Variants in CTNNA2 observed in about 807,000 individuals in gnomAD.
CTNNA2 encodes catenin alpha-2.
Under a neutral mutation model 101.0 loss-of-function variants are expected in CTNNA2, and 42 were observed. The observed-to-expected ratio is 0.42, with a 90% CI of 0.32 to 0.54. The LOEUF is 0.54. Ranked by LOEUF, CTNNA2 falls within the 20% of genes least tolerant of loss-of-function variation. CTNNA2 has a pLI of 0.14. For missense variants in CTNNA2, 871 were observed against 1,223.1 expected, an observed-to-expected ratio of 0.71 and a Z score of 4.29; for synonymous variants, 450 against 456.4, an observed-to-expected ratio of 0.99 and a Z score of 0.18.
chr2:80,010,796 G>T (rs1324620145), intron 7 of CTNNA2, among the ~76,000 whole-genome samples: 1 of 151,738 alleles, frequency 6.6e-6, no homozygotes, highest in Non-Finnish European at 1.5e-5. Context: ...TTTCAGCATT[G>T]TCTTTTGGAA....
At chr2:79,307,690 G>T (rs779318815) in intron 2 of CTNNA2, among the ~76,000 whole-genome samples, 3 of 152,180 alleles carry the variant, frequency 2.0e-5, no homozygotes, top group Non-Finnish European at 2.9e-5. Context: ...TGGGGGTACA[G>T]AAGTCTCTTC....
chr2:80,193,106 T>G (rs948507718), intron 7 of CTNNA2, among the ~76,000 whole-genome samples: 7 of 152,216 alleles, frequency 4.6e-5, no homozygotes, highest in African/African-American at 1.7e-4. Context: ...ATTCATAAAA[T>G]GAGCAGATTT....
intron 2 of CTNNA2, among the ~76,000 whole-genome samples, chr2:79,261,539 G>A (rs925009045): frequency 8.5e-5 from 13 of 152,314 alleles, no homozygotes; most frequent in African/African-American, 2.9e-4. Context: ...GTGCCAGGAG[G>A]CTTGGTTTCT....
chr2:80,017,811 C>T (rs1047245142), intron 7 of CTNNA2, among the ~76,000 whole-genome samples: 9 of 152,096 alleles, frequency 5.9e-5, no homozygotes, highest in Admixed American at 6.6e-5. Flanking sequence ...CTCCCTGTCA[C>T]AGTAAGCCAC....
At chr2:79,802,522 G>A (rs549235793) in intron 3 of CTNNA2, among the ~76,000 whole-genome samples, 7 of 152,154 alleles carry the variant, frequency 4.6e-5, no homozygotes, top group Non-Finnish European at 8.8e-5. Flanking sequence ...AGGTTACAAA[G>A]TGACTGAACT....
chr2:80,589,276 A>C, intron 14 of CTNNA2, 28 bp from the exon 15 acceptor site: 1 of 1,610,652 alleles, frequency 6.2e-7, no homozygotes, highest in Non-Finnish European at 8.5e-7. Context: ...TGTCACCGTC[A>C]CTCACGCTTT....
At chr2:79,287,218 G>C (rs1320750958) in intron 2 of CTNNA2, among the ~76,000 whole-genome samples, 1 of 152,162 alleles carries the variant, frequency 6.6e-6, no homozygotes, top group African/African-American at 2.4e-5. Flanking sequence ...CCGTAGCTCG[G>C]AGTAATTTGA....
At chr2:79,680,839 C>T (rs2104638947) in intron 2 of CTNNA2, among the ~76,000 whole-genome samples, 1 of 152,318 alleles carries the variant, frequency 6.6e-6, no homozygotes, top group Admixed American at 6.5e-5. Context: ...CTGGCTTTTT[C>T]ATCAGAGCAA....
intron 3 of CTNNA2, among the ~76,000 whole-genome samples, chr2:79,361,840 T>G (rs1677637509): frequency 6.6e-6 from 1 of 152,072 alleles, no homozygotes; most frequent in South Asian, 2.1e-4. Context: ...TGTTCTCACG[T>G]TTTTCTGACT....
chr2:80,033,988 A>AAAAAAAAAAAAAAAAAAAAAAAAAC (rs1695480810), intron 7 of CTNNA2, among the ~76,000 whole-genome samples: 1 of 151,558 alleles, frequency 6.6e-6, no homozygotes, highest in African/African-American at 2.4e-5. Flanking sequence ...AAAAAAAAAA[A>AAAAAAAAAAAAAAAAAAAAAAAAAC]AAAAGCACTG....
chr2:79,390,469 GT>G (rs1025860965), intron 4 of CTNNA2, among the ~76,000 whole-genome samples: 20 of 151,994 alleles, frequency 1.3e-4, no homozygotes, highest in Admixed American at 7.9e-4. Context: ...CACCTCCTCC[GT>G]TATACCTTTC....
intron 1 of CTNNA2, among the ~76,000 whole-genome samples, chr2:79,621,553 T>A (rs1678999682): frequency 6.6e-6 from 1 of 152,186 alleles, no homozygotes; most frequent in East Asian, 1.9e-4. Context: ...GCCCCAAGTA[T>A]GAAATAAACA....
intron 9 of CTNNA2, among the ~76,000 whole-genome samples, chr2:80,484,810 T>G (rs1218788743): frequency 6.6e-6 from 1 of 152,068 alleles, no homozygotes; most frequent in Non-Finnish European, 1.5e-5. Flanking sequence ...ATCGAGACCA[T>G]CCTGGCTACC....
chr2:79,716,884 C>T (rs1686142486), intron 2 of CTNNA2, among the ~76,000 whole-genome samples: 1 of 151,986 alleles, frequency 6.6e-6, no homozygotes, highest in African/African-American at 2.4e-5. Context: ...AAACAAAAAA[C>T]ATTGACAAAG....
intron 7 of CTNNA2, among the ~76,000 whole-genome samples, chr2:80,116,894 A>G (rs1022700091): frequency 4.6e-4 from 53 of 114,704 alleles, no homozygotes; most frequent in African/African-American, 1.9e-3. Flanking sequence ...GGGAAAATAG[A>G]AGAAAATAGT....
intron 3 of CTNNA2, among the ~76,000 whole-genome samples, chr2:79,835,666 GTTTTTTTTTTT>G (rs70940048): frequency 0.026 from 1,509 of 58,588 alleles, 38 homozygotes; most frequent in African/African-American, 0.077. Context: ...GCCTCTCTTT[GTTTTTTTTTTT>G]TTTTTTTTTT....
At chr2:79,666,158 T>C (rs1682403052) in intron 2 of CTNNA2, among the ~76,000 whole-genome samples, 1 of 152,244 alleles carries the variant, frequency 6.6e-6, no homozygotes. Flanking sequence ...TTGCATTTTT[T>C]AAAAATGGTT....
chr2:80,328,108 A>C (rs139078382), intron 7 of CTNNA2, among the ~76,000 whole-genome samples: 49 of 152,246 alleles, frequency 3.2e-4, no homozygotes, highest in African/African-American at 1.2e-3. Context: ...AGCTCTCTGG[A>C]TTCTCCATTC....
chr2:80,143,922 G>T lies in CTNNA2; in HGVS notation c.1056+234125G>T, dbSNP rs17018687. 2.3e-4 allele frequency among the ~76,000 whole-genome samples: 35 copies of T among 152,206 alleles called. No homozygotes were observed. The East Asian group carries it at 6.4e-3, about 28-fold the overall frequency. On this transcript the variant is annotated intron_variant, in intron 7 of 18. Transcript: ENST00000402739. ...TAGATTTTAAAATATATCTGCAGGG[G>T]TACTTAAAGCAGTCACATCTCATGT...
Sources: allele counts gnomAD v4.1 joint callset (sites outside exome capture counted in the v4.1 genomes callset), GRCh38; gene constraint gnomAD v4.1.1; transcripts MANE v1.5; gene names NCBI Gene and HGNC (gene_info 2026-07-23, HGNC 2026-07-21).